Variants in DLG4 observed in about 807,000 individuals in gnomAD.
DLG4 encodes disks large homolog 4.
Under a neutral mutation model 93.8 loss-of-function variants are expected in DLG4, and 7 were observed. The ratio of observed to expected loss-of-function variants is 0.07; its 90% confidence interval spans 0.04 to 0.14. The LOEUF is 0.14. DLG4 is among the 10% of genes least tolerant of loss of function. The pLI, the probability that DLG4 is intolerant of heterozygous loss-of-function variation, is 1.00. For synonymous variants in DLG4, 341 were observed against 387.6 expected, an observed-to-expected ratio of 0.88 and a Z score of 1.41; for missense variants, 545 against 992.9, an observed-to-expected ratio of 0.55 and a Z score of 6.06.
chr17:7,214,025 A>G, intron 1 of DLG4: 1 of 346,274 alleles, frequency 2.9e-6, no homozygotes, highest in East Asian at 7.7e-5. Flanking sequence ...CCCATCCCCC[A>G]TTTCCCTTTT....
chr17:7,187,311 G>C lies in DLG4; in HGVS notation c.*3397C>G, dbSNP rs890330666. ...TCCTAGCACTTTGGGAGGCCGAGGGGGGGGGGGGTGGATCACCCGAGGTCA... is the reference window on the plus strand; with the variant it reads ...TCCTAGCACTTTGGGAGGCCGAGGGCGGGGGGGGTGGATCACCCGAGGTCA... On this transcript the variant is annotated 3_prime_UTR_variant, in exon 20 of 20. Coordinates refer to ENST00000399506, the MANE Select transcript of DLG4 (RefSeq NM_001321075.3). Among the ~76,000 whole-genome samples the C allele has an allele frequency of 1.4e-4, 18 of 125,690 alleles. 3 individuals are homozygous for C. Among genetic ancestry groups the C allele is most frequent in the African/African-American group, 3.4e-4 (13 of 38,764 alleles). 82.5% of individuals were successfully genotyped at this position (125,690 alleles called of 152,430 possible).
rs117395618 is a variant in DLG4, at chr17:7,208,037, A to G, written c.96+137T>C. The G allele has an allele frequency of 0.032, 40,346 of 1,267,390 alleles. 768 individuals are homozygous for G. The highest frequency in any genetic ancestry group is 0.044 in the Middle Eastern group (196 of 4,452). 78.5% of individuals were successfully genotyped at this position (1,267,390 alleles called of 1,614,324 possible). A position where few individuals can be genotyped will look rare whatever the true frequency, so the allele number is the denominator to read the frequency against. On this transcript the variant is annotated intron_variant, in intron 2 of 19. Coordinates refer to ENST00000399506, the MANE Select transcript of DLG4 (RefSeq NM_001321075.3). The surrounding 1 kb of genome is among the most constrained non-coding windows in gnomAD (Gnocchi z 5.4). ...GGATTGCTGCAGCTCCGAGGCTCCG[A>G]GGGCCGCACTGGGGAGGGGGCCACC...
chr17:7,207,785 G>C (rs1176711428), intron 2 of DLG4, among the ~76,000 whole-genome samples: 1 of 150,344 alleles, frequency 6.7e-6, no homozygotes, highest in African/African-American at 2.5e-5. Context: ...ACACGCACAG[G>C]CACACACACA....
rs1249758277 is a variant in DLG4, at chr17:7,189,598, T to C, written c.*1110A>G. On this transcript the variant is annotated 3_prime_UTR_variant, in exon 20 of 20. Coordinates refer to ENST00000399506, the MANE Select transcript of DLG4 (RefSeq NM_001321075.3). ...CCTCTCTATTTTCCTTTAAGGACTG[T>C]TGTGCTTCCCAACAGGACTGAGACA... is the stretch of plus-strand genomic sequence containing the variant. Among the ~76,000 whole-genome samples, 1 of 152,178 alleles carries C rather than the reference T, an allele frequency of 6.6e-6. No homozygotes were observed. The highest frequency in any genetic ancestry group is 1.9e-4 in the East Asian group (1 of 5,198).
intron 1 of DLG4, among the ~76,000 whole-genome samples, chr17:7,215,685 G>A (rs923274485): frequency 2.0e-5 from 3 of 152,146 alleles, no homozygotes; most frequent in African/African-American, 7.2e-5. Flanking sequence ...GGGGGCTCCA[G>A]ATCTAAAGGT....
In DLG4 at chr17:7,188,297, G is replaced by T. The variant is rs1418104320; in HGVS notation, c.*2411C>A. 6.6e-6 allele frequency among the ~76,000 whole-genome samples: 1 copy of T among 152,046 alleles called. No homozygotes were observed. The highest frequency in any genetic ancestry group is 2.4e-5 in the African/African-American group (1 of 41,398). On this transcript the variant is annotated 3_prime_UTR_variant, in exon 20 of 20. Transcript: ENST00000399506. The stretch of plus-strand genomic sequence containing the variant: ...TTCTTGGACTACTTTAGGCTTGGAC[G>T]GCCATGCCATCCACAGAATCACTAC...
rs577189661 is a variant in DLG4 at position 7,194,244 on chromosome 17, T to C, written c.1478+75A>G. The C allele has an allele frequency of 4.3e-5, 66 of 1,522,878 alleles. 1 individual carries two copies. In the African/African-American group the frequency reaches 8.2e-4, roughly 19 times the overall value. 94.3% of individuals were successfully genotyped at this position (1,522,878 alleles called of 1,614,324 possible). A position where few individuals can be genotyped will look rare whatever the true frequency, so the allele number is the denominator to read the frequency against. On this transcript the variant is annotated intron_variant, in intron 12 of 19. Transcript: ENST00000399506. The surrounding 1 kb of genome is among the most constrained non-coding windows in gnomAD (Gnocchi z 4.4). ...GTTCAGAGGGCAAACCCATCCCCTGTTGGCTGCCCACCCCGGGGGACCTTG... is the reference window on the plus strand; with the variant it reads ...GTTCAGAGGGCAAACCCATCCCCTGCTGGCTGCCCACCCCGGGGGACCTTG...
chr17:7,211,141 G>C (rs951878914), intron 1 of DLG4, among the ~76,000 whole-genome samples: 3 of 142,382 alleles, frequency 2.1e-5, no homozygotes, highest in African/African-American at 7.8e-5. Flanking sequence ...GGGTGGGGGC[G>C]GGGGAGAGTA....
upstream of DLG4, among the ~76,000 whole-genome samples, chr17:7,218,006 A>C (rs942863927): frequency 6.6e-6 from 1 of 151,842 alleles, no homozygotes; most frequent in African/African-American, 2.4e-5. Context: ...TAAAAAGTTA[A>C]GCCCTAGACT....
In DLG4 at chr17:7,190,702, C is replaced by T. The variant is rs375668891; in HGVS notation, c.*6G>A. ...AGGGCGAGTCCAGGCCAAGCCAGGG[C>T]AGGAATCAGAGTCTCTCTCGGGCTG... is the stretch of plus-strand genomic sequence containing the variant. On this transcript the variant is annotated 3_prime_UTR_variant, in exon 20 of 20. Transcript: ENST00000399506. 2 of 1,612,356 alleles carry T rather than the reference C, an allele frequency of 1.2e-6. No individual in the cohort carries two copies. Among genetic ancestry groups the T allele is most frequent in the Non-Finnish European group, 8.5e-7 (1 of 1,178,446 alleles).
In DLG4 at chr17:7,203,143, T is replaced by C; in HGVS notation, c.642+50A>G. On this transcript the variant is annotated intron_variant, in intron 7 of 19. Transcript: ENST00000399506. The surrounding 1 kb of genome is among the most constrained non-coding windows in gnomAD (Gnocchi z 7.2). The stretch of plus-strand genomic sequence containing the variant: ...ATGAACTTGGGCCTGCCAGGGCTAG[T>C]AGGTGAGACCCAAATCTGGGCTAGA... The C allele has an allele frequency of 1.9e-6, 3 of 1,570,268 alleles. No individual in the cohort carries two copies. The highest frequency in any genetic ancestry group is 2.3e-5 in the South Asian group (2 of 85,782).
rs75609237 is a variant in DLG4 at position 7,195,018 on chromosome 17, CAAAAAAAAAAAAAAA to C, written c.1302-538_1302-524del. On this transcript the variant is annotated intron_variant, in intron 11 of 19. Coordinates refer to ENST00000399506, the MANE Select transcript of DLG4 (RefSeq NM_001321075.3). The surrounding 1 kb of genome is among the most constrained non-coding windows in gnomAD (Gnocchi z 4.3). ...TGGGCAACGGAGCGAGACACCGTCT[CAAAAAAAAAAAAAAA>C]GAAAAAGAAAAAGAAAAACAGAAAG... Among the ~76,000 whole-genome samples, 38 of 72,340 alleles carry C rather than the reference CAAAAAAAAAAAAAAA, an allele frequency of 5.3e-4. No individual in the cohort carries two copies. The highest frequency in any genetic ancestry group is 1.6e-3 in the African/African-American group (31 of 18,998). 47.5% of individuals were successfully genotyped at this position (72,340 alleles called of 152,430 possible).
chr17:7,215,580 C>G (rs958882582), intron 1 of DLG4, among the ~76,000 whole-genome samples: 1 of 152,112 alleles, frequency 6.6e-6, no homozygotes, highest in Non-Finnish European at 1.5e-5. Flanking sequence ...AAAAATCCAC[C>G]GAAACTACAG....
Position 7,203,874 on chromosome 17 carries a change from AGT to A in DLG4, c.211-60_211-59del. 1 of 1,604,290 alleles carries A rather than the reference AGT, an allele frequency of 6.2e-7. No homozygotes were observed. ...CTCACTGCCCAAGTCTGGCAAGGCA[AGT>A]GGGGTGGGAAATGGCTTGGAGCAGC... On this transcript the variant is annotated intron_variant, in intron 4 of 19. Transcript: ENST00000399506. This position sits in a 1 kb window ranked among gnomAD's most constrained non-coding sequence, Gnocchi z 7.2.
Position 7,208,121 on chromosome 17 carries a change from T to G in DLG4, c.96+53A>C. On this transcript the variant is annotated intron_variant, in intron 2 of 19. Coordinates refer to ENST00000399506, the MANE Select transcript of DLG4 (RefSeq NM_001321075.3). The surrounding 1 kb of genome is among the most constrained non-coding windows in gnomAD (Gnocchi z 5.4). ...GTGGCCCACGACCCCGTGGCCAGCC[T>G]CGAGGTGGGACAAGTTCCTCTCCGC... 7.6e-7 allele frequency: 1 copy of G among 1,320,572 alleles called. No individual in the cohort carries two copies. Among genetic ancestry groups the G allele is most frequent in the Non-Finnish European group, 9.8e-7 (1 of 1,025,178 alleles). 81.8% of individuals were successfully genotyped at this position (1,320,572 alleles called of 1,614,324 possible). A position where few individuals can be genotyped will look rare whatever the true frequency, so the allele number is the denominator to read the frequency against.
intron 1 of DLG4, among the ~76,000 whole-genome samples, chr17:7,209,903 G>A (rs125651): frequency 0.5 from 75,808 of 151,888 alleles, 19,749 homozygotes; most frequent in Middle Eastern, 0.65. Flanking sequence ...TTAGCTGGGC[G>A]TGGTGGCACA....
rs186194285 is a variant in DLG4 at position 7,188,019 on chromosome 17, G to A, written c.*2689C>T. ...CTGGAGTTGGAGGTTGCAGTGAGCCGAGATCGCGCCATTGCACTCCAGCTT... is the reference window on the plus strand; with the variant it reads ...CTGGAGTTGGAGGTTGCAGTGAGCCAAGATCGCGCCATTGCACTCCAGCTT... On this transcript the variant is annotated 3_prime_UTR_variant, in exon 20 of 20. Coordinates refer to ENST00000399506, the MANE Select transcript of DLG4 (RefSeq NM_001321075.3). 2.4e-4 allele frequency among the ~76,000 whole-genome samples: 36 copies of A among 151,010 alleles called. No individual in the cohort carries two copies. Among genetic ancestry groups the A allele is most frequent in the Non-Finnish European group, 2.9e-4 (20 of 67,896 alleles).
Position 7,209,000 on chromosome 17 carries a change from G to C in DLG4, c.31-761C>G, listed in dbSNP as rs564287924. On this transcript the variant is annotated intron_variant, in intron 1 of 19. Transcript: ENST00000399506. This position sits in a 1 kb window ranked among gnomAD's most constrained non-coding sequence, Gnocchi z 5.4. ...AGCCCACAGCCCAGCCAGCTAATCC[G>C]GTTATGCTATAAGGGCATGGGCTGG... Among the ~76,000 whole-genome samples the C allele has an allele frequency of 6.6e-6, 1 of 152,142 alleles. No individual in the cohort carries two copies. Among genetic ancestry groups the C allele is most frequent in the African/African-American group, 2.4e-5 (1 of 41,428 alleles).
At position 7,196,291 on chromosome 17, in the gene DLG4, C is replaced by G. The variant is rs749812787; in HGVS notation, c.1230G>C (p.Gln410His). 1.9e-6 allele frequency: 3 copies of G among 1,614,028 alleles called. No individual in the cohort carries two copies. The highest frequency in any genetic ancestry group is 1.7e-6 in the Non-Finnish European group (2 of 1,179,894). ...FEAKIHDLREQLMNSSLGSGT... is the reference protein window; with the variant it reads ...FEAKIHDLREHLMNSSLGSGT... ...CTGAGCCCAGGCTGCTGTTCATGAG[C>G]TGTTCCCGAAGGTCGTGGATCTTGG... is the stretch of plus-strand genomic sequence containing the variant. The change falls in exon 11 of 20, where the codon CAG (glutamine) becomes CAC (histidine). Residue 410 changes from glutamine to histidine, a missense_variant. Transcript: ENST00000399506. The surrounding 1 kb of genome is among the most constrained non-coding windows in gnomAD (Gnocchi z 8.3).
Sources: allele counts gnomAD v4.1 joint callset (sites outside exome capture counted in the v4.1 genomes callset), GRCh38; gene constraint gnomAD v4.1.1; non-coding constraint Gnocchi (gnomAD v3.1); transcripts MANE v1.5; gene names NCBI Gene and HGNC (gene_info 2026-07-23, HGNC 2026-07-21).